The following SHANK2 variants were observed in gnomAD, a reference collection of about 807,000 sequenced individuals.
SHANK2 encodes the protein SH3 and multiple ankyrin repeat domains protein 2.
A neutral mutation model predicts 133.7 loss-of-function variants in SHANK2; 43 were observed. The ratio of observed to expected loss-of-function variants is 0.32; its 90% CI spans 0.25 to 0.41. The LOEUF (loss-of-function observed/expected upper bound fraction) is 0.41. Among genes scored for constraint, SHANK2 ranks in the 10% least tolerant of loss-of-function variants. The probability of loss-of-function intolerance (pLI) is 1.00; values close to 1 mark genes in which losing one functional copy is unlikely to be tolerated. For missense variants in SHANK2, 1,994 were observed against 2,235.8 expected (o/e 0.89, Z 2.18); for synonymous variants, 1,017 against 952.8 (o/e 1.07, Z -1.24).
At chr11:70,679,787 C>A (rs1555017993) in intron 15 of SHANK2, among the ~76,000 whole-genome samples, 3 of 152,260 alleles carry the variant, frequency 2.0e-5, no homozygotes, top group Non-Finnish European at 1.5e-5. Context: ...CACACCCCAG[C>A]CAGGCCCTCT....
At chr11:71,199,609 T>G (rs1953978750) in intron 2 of SHANK2, among the ~76,000 whole-genome samples, 4 of 152,292 alleles carry the variant, frequency 2.6e-5, no homozygotes, top group African/African-American at 9.6e-5. Flanking sequence ...AGCTGCAGCC[T>G]CGAAGGGAGC....
chr11:70,593,249 C>T (rs1376071812), intron 17 of SHANK2, among the ~76,000 whole-genome samples: 2 of 152,230 alleles, frequency 1.3e-5, no homozygotes, highest in Non-Finnish European at 2.9e-5. Context: ...GTTCTGAGAA[C>T]TCTTGCTGCA....
chr11:70,918,876 G>T (rs1045186160), intron 10 of SHANK2, among the ~76,000 whole-genome samples: 1 of 152,032 alleles, frequency 6.6e-6, no homozygotes, highest in Non-Finnish European at 1.5e-5. Flanking sequence ...TTTGAAAAAC[G>T]CATACAGGCC....
intron 17 of SHANK2, among the ~76,000 whole-genome samples, chr11:70,632,551 T>C (rs561281511): frequency 6.6e-6 from 1 of 152,138 alleles, no homozygotes; most frequent in South Asian, 2.1e-4. Flanking sequence ...CAATCCAAAT[T>C]GTGATTGTTT....
chr11:70,613,212 C>G (rs11820787), intron 17 of SHANK2, among the ~76,000 whole-genome samples: 29,693 of 151,260 alleles, frequency 0.2, 3,111 homozygotes, highest in Non-Finnish European at 0.25. Flanking sequence ...TTTCTTTTTT[C>G]TTTTTTTTTG....
intron 2 of SHANK2, among the ~76,000 whole-genome samples, chr11:71,208,984 C>T (rs967025280): frequency 1.3e-5 from 2 of 152,268 alleles, no homozygotes; most frequent in African/African-American, 2.4e-5. Flanking sequence ...TAAGATGCAC[C>T]GTCAGCCACT....
Position 70,535,313 on chromosome 11 carries a change from C to T in SHANK2, c.2062-32382G>A, listed in dbSNP as rs569959090. Among the ~76,000 whole-genome samples the T allele has an allele frequency of 6.6e-6, 1 of 151,664 alleles. No individual in the cohort carries two copies. Among genetic ancestry groups the T allele is most frequent in the African/African-American group, 2.4e-5 (1 of 41,442 alleles). On this transcript the variant is annotated intron_variant, in intron 17 of 25. Coordinates refer to ENST00000601538, the MANE Select transcript of SHANK2 (RefSeq NM_012309.5). This position sits in a 1 kb window ranked among gnomAD's most constrained non-coding sequence, Gnocchi z 4.3. ...CTCTATCCTCCATCATTCAGTCCAT[C>T]CATCACTCTATCCCTCTGTTCTTCC...
At chr11:71,084,459 T>A (rs1951350173) in intron 8 of SHANK2, among the ~76,000 whole-genome samples, 1 of 151,972 alleles carries the variant, frequency 6.6e-6, no homozygotes, top group African/African-American at 2.4e-5. Context: ...AACCCTGGAG[T>A]ACACCTGCAG....
rs75708585 is a variant in SHANK2, at chr11:70,895,063, T to C, written c.1174+1438A>G. ...GAGGCAGCCCTGGCAGAACCCTGGA[T>C]CTCAGAGCAATTAAGTGATTTGCCC... On this transcript the variant is annotated intron_variant, in intron 11 of 25. Coordinates refer to ENST00000601538, the MANE Select transcript of SHANK2 (RefSeq NM_012309.5). 4.8e-3 allele frequency among the ~76,000 whole-genome samples: 725 copies of C among 152,322 alleles called. 5 individuals are homozygous for C. Among genetic ancestry groups the C allele is most frequent in the African/African-American group, 0.017 (690 of 41,578 alleles).
At chr11:70,655,963 C>A (rs1056629084) in intron 17 of SHANK2, among the ~76,000 whole-genome samples, 2 of 152,190 alleles carry the variant, frequency 1.3e-5, no homozygotes, top group Non-Finnish European at 2.9e-5. Context: ...CCTCAGGTGA[C>A]TGACGCCCAG....
intron 13 of SHANK2, 54 bp from the exon 14 acceptor site, chr11:70,798,610 G>A (rs1947973168): frequency 1.4e-6 from 1 of 713,628 alleles, no homozygotes; most frequent in South Asian, 1.5e-5. Context: ...GAGGGCCTGA[G>A]GTTGAACAAG....
At position 70,709,167 on chromosome 11, in the gene SHANK2, C is replaced by T. The variant is rs543987249; in HGVS notation, c.1778-10404G>A. On this transcript the variant is annotated intron_variant, in intron 14 of 25. Transcript: ENST00000601538. ...TTGAGGCTACAGTGAGCTGAGATCA[C>T]ATCACTGCACCACAGCCTGGGTGGC... 2.6e-5 allele frequency among the ~76,000 whole-genome samples: 4 copies of T among 152,364 alleles called. No individual in the cohort carries two copies. The South Asian group carries it at 8.3e-4, about 32-fold the overall frequency.
At chr11:70,918,525 C>A (rs890598206) in intron 10 of SHANK2, among the ~76,000 whole-genome samples, 6 of 152,218 alleles carry the variant, frequency 3.9e-5, no homozygotes, top group East Asian at 1.9e-4. Context: ...TTTTTTGAGA[C>A]AGAGTGTTGT....
chr11:71,242,881 G>A (rs1001426686), intron 1 of SHANK2, among the ~76,000 whole-genome samples: 1 of 152,202 alleles, frequency 6.6e-6, no homozygotes, highest in African/African-American at 2.4e-5. Context: ...TACAAATAAT[G>A]TTCTCCAACC....
intron 2 of SHANK2, among the ~76,000 whole-genome samples, chr11:71,212,343 A>G (rs1954300589): frequency 6.6e-6 from 1 of 152,230 alleles, no homozygotes; most frequent in Non-Finnish European, 1.5e-5. Context: ...TATCCTATAG[A>G]TAAGGTCTTA....
Position 70,734,437 on chromosome 11 carries a change from G to A in SHANK2, c.1778-35674C>T, listed in dbSNP as rs78259695. Among the ~76,000 whole-genome samples, 127 of 152,286 alleles carry A rather than the reference G, an allele frequency of 8.3e-4. 1 individual carries two copies. Among genetic ancestry groups the A allele is most frequent in the Middle Eastern group, 3.4e-3 (1 of 294 alleles). ...CCTGACTCCCATACCCAGTCCACACGCTCCACACTGACAGCTCAGGGTGCC... is the reference window on the plus strand; with the variant it reads ...CCTGACTCCCATACCCAGTCCACACACTCCACACTGACAGCTCAGGGTGCC... On this transcript the variant is annotated intron_variant, in intron 14 of 25. Coordinates refer to ENST00000601538, the MANE Select transcript of SHANK2 (RefSeq NM_012309.5).
At chr11:70,660,648 G>A (rs2134267676) in intron 16 of SHANK2, among the ~76,000 whole-genome samples, 1 of 152,342 alleles carries the variant, frequency 6.6e-6, no homozygotes, top group South Asian at 2.1e-4. Context: ...GAGTGGCCAA[G>A]GGTGGGTGGG....
intron 10 of SHANK2, among the ~76,000 whole-genome samples, chr11:70,932,424 G>C (rs560669234): frequency 2.6e-5 from 4 of 152,232 alleles, no homozygotes; most frequent in Admixed American, 6.5e-5. Flanking sequence ...GTCCGCGCAC[G>C]TGCGGCCCCG....
intron 14 of SHANK2, among the ~76,000 whole-genome samples, chr11:70,760,424 G>T (rs782259894): frequency 5.3e-5 from 8 of 152,152 alleles, no homozygotes; most frequent in Non-Finnish European, 1.0e-4. Flanking sequence ...TGCTCCCCAC[G>T]TTTGTTCCTC....
Sources: allele counts gnomAD v4.1 joint callset (sites outside exome capture counted in the v4.1 genomes callset), GRCh38; gene constraint gnomAD v4.1.1; non-coding constraint Gnocchi (gnomAD v3.1); transcripts MANE v1.5; gene names NCBI Gene and HGNC (gene_info 2026-07-23, HGNC 2026-07-21).